The following CAB39 variants were observed in gnomAD, a reference collection of about 807,000 sequenced individuals.
CAB39 encodes the protein calcium-binding protein 39.
A neutral mutation model predicts 40.0 loss-of-function variants in CAB39; 8 were observed. The observed-to-expected ratio is 0.20, with a 90% CI of 0.12 to 0.36. The LOEUF (loss-of-function observed/expected upper bound fraction) is 0.36. Among genes scored for constraint, CAB39 ranks in the 10% least tolerant of loss-of-function variants. CAB39 has a pLI of 1.00. For missense variants in CAB39, 270 were observed against 401.1 expected (o/e 0.67, Z 2.79); for synonymous variants, 156 against 141.6 (o/e 1.10, Z -0.72).
chr2:230,813,901 G>C (rs1450389055), intron 6 of CAB39, 148 bp from the exon 7 acceptor site: 8 of 545,396 alleles, frequency 1.5e-5, no homozygotes, highest in Non-Finnish European at 2.5e-5. Context: ...GAGAGTGGCA[G>C]GGGAGCCAGG....
intron 2 of CAB39, among the ~76,000 whole-genome samples, chr2:230,768,035 C>T (rs939894472): frequency 2.0e-5 from 3 of 152,136 alleles, no homozygotes; most frequent in Admixed American, 1.3e-4. Flanking sequence ...TTGCTATTTT[C>T]CCCTTGTTAG....
At chr2:230,816,933 G>T (rs980843888) in intron 7 of CAB39, among the ~76,000 whole-genome samples, 5 of 152,210 alleles carry the variant, frequency 3.3e-5, no homozygotes, top group Non-Finnish European at 7.3e-5. Flanking sequence ...CACAAGGACC[G>T]CAGCTTGGCA....
At chr2:230,748,181 A>G (rs1017652598) in intron 1 of CAB39, among the ~76,000 whole-genome samples, 3 of 148,972 alleles carry the variant, frequency 2.0e-5, no homozygotes, top group Admixed American at 1.3e-4. Flanking sequence ...TGAAGTGTCC[A>G]TTTTCTGGGT....
At chr2:230,807,899 T>C (rs948847264) in intron 5 of CAB39, among the ~76,000 whole-genome samples, 2 of 152,114 alleles carry the variant, frequency 1.3e-5, no homozygotes, top group Non-Finnish European at 2.9e-5. Flanking sequence ...TTCCTTCTGC[T>C]GTACTTCCTC....
chr2:230,783,083 C>T (rs1575943825), intron 2 of CAB39, among the ~76,000 whole-genome samples: 1 of 152,118 alleles, frequency 6.6e-6, no homozygotes, highest in East Asian at 1.9e-4. Flanking sequence ...CCGCCTCGGC[C>T]TCCAAGGTGT....
chr2:230,814,007 T>TTTTTTTTTTTTTTTTA (rs1696353355), intron 6 of CAB39, 42 bp from the exon 7 acceptor site: 1 of 470,846 alleles, frequency 2.1e-6, no homozygotes, highest in African/African-American at 2.4e-5. Flanking sequence ...TTTTTTTTTT[T>TTTTTTTTTTTTTTTTA]TTTTTGGCAA....
At chr2:230,788,246 G>GTT (rs201593174) in intron 2 of CAB39, among the ~76,000 whole-genome samples, 60 of 136,776 alleles carry the variant, frequency 4.4e-4, no homozygotes, top group Non-Finnish European at 6.8e-4. Flanking sequence ...TTGTTTTTCG[G>GTT]TTTTTTTTTT....
chr2:230,756,685 A>AT (rs1695198354), intron 1 of CAB39, among the ~76,000 whole-genome samples: 1 of 151,300 alleles, frequency 6.6e-6, no homozygotes, highest in Non-Finnish European at 1.5e-5. Context: ...TTATTTATTT[A>AT]TTTATTTATT....
At chr2:230,742,124 A>G (rs1281010951) in intron 1 of CAB39, among the ~76,000 whole-genome samples, 3 of 152,138 alleles carry the variant, frequency 2.0e-5, no homozygotes, top group African/African-American at 7.2e-5. Flanking sequence ...TCCTAAATAA[A>G]AAGATTTACA....
chr2:230,813,305 A>C (rs1325671391), intron 6 of CAB39, among the ~76,000 whole-genome samples: 5 of 152,020 alleles, frequency 3.3e-5, no homozygotes, highest in Admixed American at 2.6e-4. Flanking sequence ...CAGCAGTGCC[A>C]CTCTTGTCAG....
intron 1 of CAB39, among the ~76,000 whole-genome samples, chr2:230,747,527 T>C (rs1242316727): frequency 6.6e-6 from 1 of 152,242 alleles, no homozygotes; most frequent in African/African-American, 2.4e-5. Context: ...TTTGAGACTC[T>C]GTAGAAGGAA....
intron 6 of CAB39, among the ~76,000 whole-genome samples, chr2:230,813,181 T>C (rs1696334272): frequency 6.6e-6 from 1 of 152,152 alleles, no homozygotes. Flanking sequence ...AAAAATAAAA[T>C]CTTAAGGCTA....
At chr2:230,720,259 T>TG (rs1004118674) in intron 1 of CAB39, among the ~76,000 whole-genome samples, 20 of 152,312 alleles carry the variant, frequency 1.3e-4, no homozygotes, top group Non-Finnish European at 2.4e-4. Flanking sequence ...GTAAAGAACA[T>TG]GCTTTGGCTG....
At position 230,760,385 on chromosome 2, in the gene CAB39, T is replaced by C. The variant is rs141950534; in HGVS notation, c.114+270T>C. On this transcript the variant is annotated intron_variant, in intron 2 of 8. Coordinates refer to ENST00000258418, the MANE Select transcript of CAB39 (RefSeq NM_016289.4). ...TGATTCTAATTTATTTATTTATTAT[T>C]ACTAATTATTTTTGTAGAGACAGGG... 1.7e-4 allele frequency among the ~76,000 whole-genome samples: 26 copies of C among 152,320 alleles called. 1 individual carries two copies. The East Asian group carries it at 5.0e-3, about 29-fold the overall frequency.
At chr2:230,783,672 G>A (rs1027055990) in intron 2 of CAB39, among the ~76,000 whole-genome samples, 2 of 136,452 alleles carry the variant, frequency 1.5e-5, no homozygotes, top group Non-Finnish European at 3.1e-5. Flanking sequence ...CTAATTTTTT[G>A]TATTTTTAGG....
At chr2:230,787,798 A>G (rs1388292664) in intron 2 of CAB39, among the ~76,000 whole-genome samples, 1 of 152,148 alleles carries the variant, frequency 6.6e-6, no homozygotes, top group Non-Finnish European at 1.5e-5. Flanking sequence ...GGAGAAGATG[A>G]CAATTTAGGG....
intron 1 of CAB39, among the ~76,000 whole-genome samples, chr2:230,749,121 T>C (rs890998960): frequency 1.5e-4 from 22 of 151,394 alleles, no homozygotes; most frequent in African/African-American, 5.3e-4. Context: ...CGCTAATGTT[T>C]TACATATATT....
chr2:230,754,419 T>TCCCCTCCTTCTTCCCCTC (rs1695150632), intron 1 of CAB39, among the ~76,000 whole-genome samples: 1 of 133,632 alleles, frequency 7.5e-6, no homozygotes, highest in African/African-American at 2.9e-5. Context: ...TTCTTCCCCT[T>TCCCCTCCTTCTTCCCCTC]TCCCTCCTTC....
At chr2:230,732,219 C>T (rs1430082021) in intron 1 of CAB39, among the ~76,000 whole-genome samples, 1 of 152,226 alleles carries the variant, frequency 6.6e-6, no homozygotes, top group East Asian at 1.9e-4. Context: ...GTAGCTGGGA[C>T]TACAGGCGCC....
Sources: allele counts gnomAD v4.1 joint callset (sites outside exome capture counted in the v4.1 genomes callset), GRCh38; gene constraint gnomAD v4.1.1; transcripts MANE v1.5; gene names NCBI Gene and HGNC (gene_info 2026-07-23, HGNC 2026-07-21).